The following PPP2R3A variants were observed in gnomAD, a reference collection of about 807,000 sequenced individuals.
PPP2R3A encodes protein phosphatase 2 regulatory subunit B''alpha, also known as serine/threonine-protein phosphatase 2A regulatory subunit B'' subunit alpha.
A neutral mutation model predicts 106.9 loss-of-function variants in PPP2R3A; 80 were observed. The ratio of observed to expected loss-of-function variants is 0.75; its 90% confidence interval spans 0.62 to 0.90. The LOEUF (loss-of-function observed/expected upper bound fraction) is 0.90. Ranked by LOEUF, PPP2R3A falls within the 40% of genes least tolerant of loss-of-function variation. The probability of loss-of-function intolerance (pLI) is 0.00; values close to 1 mark genes in which losing one functional copy is unlikely to be tolerated. For missense variants in PPP2R3A, 1,386 were observed against 1,350.4 expected (o/e 1.03, Z -0.41); for synonymous variants, 483 against 468.3 (o/e 1.03, Z -0.41).
intron 13 of PPP2R3A, among the ~76,000 whole-genome samples, chr3:136,111,474 G>A (rs1164941618): frequency 2.0e-5 from 3 of 152,054 alleles, no homozygotes; most frequent in Admixed American, 6.6e-5. Context: ...TTCTTCTGGT[G>A]GCAAGTTACC....
chr3:136,068,938 T>C lies in PPP2R3A; in HGVS notation c.2470-1540T>C, dbSNP rs541369521. Among the ~76,000 whole-genome samples the C allele has an allele frequency of 3.9e-5, 6 of 152,302 alleles. No homozygotes were observed. The South Asian group carries it at 1.2e-3, about 32-fold the overall frequency. ...TTCTCCTGCCAAAAATGTGTAACCT[T>C]AATCATGACCAGACATCAAACAAAA... On this transcript the variant is annotated intron_variant, in intron 5 of 13. Coordinates refer to ENST00000264977, the MANE Select transcript of PPP2R3A (RefSeq NM_002718.5).
intron 13 of PPP2R3A, among the ~76,000 whole-genome samples, chr3:136,144,167 C>G (rs1418233225): frequency 1.3e-5 from 2 of 152,112 alleles, no homozygotes; most frequent in African/African-American, 2.4e-5. Context: ...CAGGGGATAC[C>G]AGCAACACCT....
chr3:136,118,719 A>G (rs1937875600), intron 13 of PPP2R3A, among the ~76,000 whole-genome samples: 1 of 151,164 alleles, frequency 6.6e-6, no homozygotes, highest in Non-Finnish European at 1.5e-5. Context: ...TCAATGAAAT[A>G]AGAGAGGACA....
At chr3:136,056,025 AC>A (rs1935849177) in intron 5 of PPP2R3A, among the ~76,000 whole-genome samples, 1 of 152,172 alleles carries the variant, frequency 6.6e-6, no homozygotes, top group African/African-American at 2.4e-5. Flanking sequence ...GTTAGTATGT[AC>A]CTTTGGCAAG....
chr3:136,063,419 A>G (rs1936148212), intron 5 of PPP2R3A, among the ~76,000 whole-genome samples: 2 of 152,230 alleles, frequency 1.3e-5, no homozygotes, highest in Admixed American at 1.3e-4. Flanking sequence ...AAAATTGACA[A>G]ATGGGATCTT....
intron 13 of PPP2R3A, among the ~76,000 whole-genome samples, chr3:136,141,072 T>C (rs1008706476): frequency 6.6e-6 from 1 of 152,222 alleles, no homozygotes; most frequent in Non-Finnish European, 1.5e-5. Flanking sequence ...CACTGTACTA[T>C]AGCCCAAGGA....
At chr3:136,128,651 G>A (rs1268080045) in intron 13 of PPP2R3A, among the ~76,000 whole-genome samples, 7 of 152,184 alleles carry the variant, frequency 4.6e-5, no homozygotes, top group African/African-American at 1.4e-4. Context: ...CTTGAACTCA[G>A]CTCTGCAACA....
In PPP2R3A at chr3:136,030,780, ATGTATGTATG is replaced by A. The variant is rs1444803997; in HGVS notation, c.2262+3684_2262+3693del. 1.1e-3 allele frequency among the ~76,000 whole-genome samples: 101 copies of A among 91,072 alleles called. 1 individual carries two copies. Among genetic ancestry groups the A allele is most frequent in the African/African-American group, 3.7e-3 (96 of 26,292 alleles). The allele number at this position is 91,072 out of a possible 152,430, so 59.7% of individuals were successfully genotyped here. A position where few individuals can be genotyped will look rare whatever the true frequency, so the allele number is the denominator to read the frequency against. On this transcript the variant is annotated intron_variant, in intron 3 of 13. Transcript: ENST00000264977. Reference sequence around the variant, plus strand: ...CCATCACATATATATATATATATATATGTATGTATGTATGTATGTATGTATGTATGTATGT... The same window carrying A: ...CCATCACATATATATATATATATATATATGTATGTATGTATGTATGTATGT...
At chr3:136,109,343 GAACT>G (rs1937561873) in intron 13 of PPP2R3A, among the ~76,000 whole-genome samples, 1 of 152,048 alleles carries the variant, frequency 6.6e-6, no homozygotes, top group Admixed American at 6.6e-5. Flanking sequence ...AAAGATGCCA[GAACT>G]AACGCAAATA....
chr3:136,044,720 G>A (rs1935415354), intron 4 of PPP2R3A, among the ~76,000 whole-genome samples: 1 of 152,138 alleles, frequency 6.6e-6, no homozygotes, highest in South Asian at 2.1e-4. Flanking sequence ...AGCACTGAGA[G>A]TCAGTGGAGA....
intron 4 of PPP2R3A, among the ~76,000 whole-genome samples, chr3:136,047,656 C>T (rs913477574): frequency 6.6e-6 from 1 of 152,172 alleles, no homozygotes; most frequent in Admixed American, 6.5e-5. Flanking sequence ...AATCCCAGCA[C>T]TTTCGGAGGC....
intron 13 of PPP2R3A, among the ~76,000 whole-genome samples, chr3:136,140,697 G>A (rs192141978): frequency 0.011 from 1,623 of 148,862 alleles, 29 homozygotes; most frequent in East Asian, 0.05. Context: ...GCAGTGAGCC[G>A]AGATCGCGCC....
chr3:135,991,469 A>G (rs181753140), intron 1 of PPP2R3A, among the ~76,000 whole-genome samples: 2 of 152,356 alleles, frequency 1.3e-5, no homozygotes, highest in Admixed American at 1.3e-4. Context: ...TTAAAATTAG[A>G]AAATGGTAAA....
At chr3:136,098,932 C>G (rs1317627074) in intron 10 of PPP2R3A, among the ~76,000 whole-genome samples, 1 of 152,102 alleles carries the variant, frequency 6.6e-6, no homozygotes, top group Non-Finnish European at 1.5e-5. Flanking sequence ...GTGCTTTATT[C>G]CCTGGAGAAC....
intron 5 of PPP2R3A, among the ~76,000 whole-genome samples, chr3:136,062,053 T>C (rs189171773): frequency 3.2e-4 from 48 of 152,272 alleles, no homozygotes; most frequent in African/African-American, 1.1e-3. Flanking sequence ...TAGATTCTCA[T>C]TGGCATCCCT....
At chr3:136,078,789 A>G (rs1031969109) in intron 7 of PPP2R3A, among the ~76,000 whole-genome samples, 1 of 152,192 alleles carries the variant, frequency 6.6e-6, no homozygotes, top group South Asian at 2.1e-4. Context: ...GGCTGGGGCT[A>G]GGTTGGGAAG....
In PPP2R3A at chr3:136,001,850, A is replaced by G; in HGVS notation, c.352A>G (p.Ser118Gly). ...NLKDIAGEAI[S>G]FASGKIKEFS... is the part of the protein sequence containing the mutation. ...AAAGGATATTGCAGGAGAAGCAATCAGTTTTGCCAGTGGGAAAATAAAAGA... is the reference window on the plus strand; with the variant it reads ...AAAGGATATTGCAGGAGAAGCAATCGGTTTTGCCAGTGGGAAAATAAAAGA... Residue 118 changes from serine (S) to glycine (G), a missense_variant, in exon 2 of 14, where the codon AGT becomes GGT. Transcript: ENST00000264977. 6.2e-7 allele frequency: 1 copy of G among 1,614,168 alleles called. No individual in the cohort carries two copies. Among genetic ancestry groups the G allele is most frequent in the Non-Finnish European group, 8.5e-7 (1 of 1,180,034 alleles).
intron 13 of PPP2R3A, among the ~76,000 whole-genome samples, chr3:136,143,380 T>G (rs1227581898): frequency 6.6e-6 from 1 of 152,050 alleles, no homozygotes; most frequent in South Asian, 2.1e-4. Context: ...AATCCCTGCT[T>G]CTTGGGAGGC....
chr3:136,075,627 AGAG>A (rs1434970873), intron 6 of PPP2R3A, among the ~76,000 whole-genome samples: 18 of 152,348 alleles, frequency 1.2e-4, no homozygotes, highest in Admixed American at 3.3e-4. Flanking sequence ...TTCAAAAAGA[AGAG>A]GAGAAAAATA....
Sources: gnomAD v4.1 joint callset for allele counts (sites outside exome capture counted in the v4.1 genomes callset) on GRCh38, gnomAD v4.1.1 for gene constraint, MANE v1.5 for transcripts, NCBI Gene and HGNC (gene_info 2026-07-23, HGNC 2026-07-21) for gene names.